The following TNRC6A variants were observed in gnomAD, a reference collection of about 807,000 sequenced individuals.
TNRC6A encodes the protein trinucleotide repeat-containing gene 6A protein.
TNRC6A carries 44 observed loss-of-function variants against 221.2 expected under a neutral mutation model. The ratio of observed to expected loss-of-function variants is 0.20; its 90% CI spans 0.16 to 0.26. The LOEUF (loss-of-function observed/expected upper bound fraction) is 0.26. Among genes scored for constraint, TNRC6A ranks in the 10% least tolerant of loss-of-function variants. The pLI, the probability that TNRC6A is intolerant of heterozygous loss-of-function variation, is 1.00. For synonymous variants in TNRC6A, 847 were observed against 838.5 expected (o/e 1.01, Z -0.18); for missense variants, 2,199 against 2,404.4 (o/e 0.91, Z 1.79).
At chr16:24,763,147 TCTC>T (rs1224537815) in intron 4 of TNRC6A, among the ~76,000 whole-genome samples, 3 of 152,200 alleles carry the variant, frequency 2.0e-5, no homozygotes, top group East Asian at 1.9e-4. Flanking sequence ...GATTCTAAAA[TCTC>T]CTGCATGCTT....
intron 2 of TNRC6A, among the ~76,000 whole-genome samples, chr16:24,738,633 T>C (rs765994376): frequency 6.6e-6 from 1 of 152,258 alleles, no homozygotes; most frequent in Non-Finnish European, 1.5e-5. Context: ...TTCCTTTTTA[T>C]GGGCAAATAA....
intron 2 of TNRC6A, among the ~76,000 whole-genome samples, chr16:24,716,287 A>G (rs2056311111): frequency 6.6e-6 from 1 of 152,138 alleles, no homozygotes; most frequent in Non-Finnish European, 1.5e-5. Context: ...TTTTGTCTGC[A>G]TTTTTAGCCG....
In TNRC6A at chr16:24,724,461, C is replaced by T. The variant is rs575259719; in HGVS notation, n.403-26265C>T. ...ATTTTAGTTAAATAAGATAAATACA[C>T]TTGGCTGTGCGTGGTGGCTCACACC... On this transcript the variant is annotated intron_variant and non_coding_transcript_variant, in intron 2 of 2. Transcript: ENST00000566108. Among the ~76,000 whole-genome samples the T allele has an allele frequency of 2.2e-3, 339 of 152,242 alleles. 1 individual carries two copies. Among genetic ancestry groups the T allele is most frequent in the Non-Finnish European group, 3.9e-3 (263 of 68,008 alleles).
At chr16:24,641,917 G>C (rs979399204) in intron 2 of TNRC6A, among the ~76,000 whole-genome samples, 1 of 152,164 alleles carries the variant, frequency 6.6e-6, no homozygotes, top group Non-Finnish European at 1.5e-5. Context: ...CTAGTCTTTG[G>C]GAAAAACAAT....
Position 24,695,430 on chromosome 16 carries a change from C to T in TNRC6A, n.402+54421C>T, listed in dbSNP as rs540266599. Among the ~76,000 whole-genome samples the T allele has an allele frequency of 2.6e-5, 4 of 152,160 alleles. No individual in the cohort carries two copies. In the East Asian group the frequency reaches 5.8e-4, roughly 22 times the overall value. On this transcript the variant is annotated intron_variant and non_coding_transcript_variant, in intron 2 of 2. Transcript: ENST00000566108. The stretch of plus-strand genomic sequence containing the variant: ...TTGTTTTGTTTTTTTGAGACAGTCT[C>T]GCTCTGTCACCCAGGCTGGAGTACA...
At chr16:24,664,080 C>T (rs1312886496) in intron 2 of TNRC6A, 1 of 371,048 alleles carries the variant, frequency 2.7e-6, no homozygotes, top group African/African-American at 2.1e-5. Context: ...AATCCCAGCA[C>T]TTTGGGAGGT....
chr16:24,799,030 G>A (rs551570681), intron 11 of TNRC6A, among the ~76,000 whole-genome samples: 71 of 152,284 alleles, frequency 4.7e-4, no homozygotes, highest in Non-Finnish European at 7.9e-4. Context: ...TGTCTCATGG[G>A]AGGCACTCGC....
chr16:24,621,175 T>C (rs1225051745), intron 1 of TNRC6A, among the ~76,000 whole-genome samples: 1 of 151,306 alleles, frequency 6.6e-6, no homozygotes, highest in African/African-American at 2.4e-5. Flanking sequence ...TTTCTGTTTC[T>C]ATAAAAATAA....
chr16:24,725,379 C>T (rs1202204923), upstream of TNRC6A, among the ~76,000 whole-genome samples: 1 of 151,954 alleles, frequency 6.6e-6, no homozygotes, highest in Non-Finnish European at 1.5e-5. Context: ...TGCCATGTTG[C>T]CCAGGCTAGT....
chr16:24,679,080 C>T (rs1166739747), intron 2 of TNRC6A, among the ~76,000 whole-genome samples: 1 of 150,620 alleles, frequency 6.6e-6, no homozygotes, highest in Non-Finnish European at 1.5e-5. Flanking sequence ...CTCACCGCAA[C>T]CTCCGCCTCC....
At chr16:24,816,580 G>T in intron 19 of TNRC6A, 1 of 479,020 alleles carries the variant, frequency 2.1e-6, no homozygotes, top group Non-Finnish European at 3.7e-6. Flanking sequence ...GTGTGTGTGG[G>T]TATGTATATT....
chr16:24,798,093 A>G (rs2058257894), intron 11 of TNRC6A, 127 bp downstream of exon 11: 4 of 688,378 alleles, frequency 5.8e-6, no homozygotes, highest in African/African-American at 3.6e-5. Context: ...AGACGTACAC[A>G]TGCTGTGGTT....
intron 2 of TNRC6A, among the ~76,000 whole-genome samples, chr16:24,714,596 C>A (rs569046230): frequency 6.6e-5 from 10 of 152,032 alleles, no homozygotes; most frequent in Non-Finnish European, 1.0e-4. Context: ...TAAGCCACTG[C>A]GCCCAGCCTG....
intron 3 of TNRC6A, among the ~76,000 whole-genome samples, chr16:24,755,637 C>G (rs982052300): frequency 2.0e-5 from 3 of 152,182 alleles, no homozygotes; most frequent in African/African-American, 7.2e-5. Context: ...GGCTTTAGAT[C>G]CTGAGGTCTT....
chr16:24,733,228 T>A (rs2056685277), intron 2 of TNRC6A, among the ~76,000 whole-genome samples: 1 of 152,130 alleles, frequency 6.6e-6, no homozygotes. Flanking sequence ...AAAAAATCTT[T>A]TAATAACATG....
chr16:24,804,621 ACTTCT>A lies in TNRC6A; in HGVS notation c.3838-78_3838-74del, dbSNP rs1252037740. The A allele has an allele frequency of 6.0e-6, 9 of 1,506,828 alleles. No homozygotes were observed. In the African/African-American group the frequency reaches 8.4e-5, roughly 14 times the overall value. The allele number at this position is 1,506,828 out of a possible 1,614,324, so 93.3% of individuals were successfully genotyped here. On this transcript the variant is annotated intron_variant, in intron 12 of 24. Transcript: ENST00000395799. ...CCTGTTGATGCTGGAATGTCATGTG[ACTTCT>A]CTTCTGTTCCTGCAATGATTTCTCC...
chr16:24,629,385 T>G (rs940950377), intron 1 of TNRC6A, among the ~76,000 whole-genome samples: 5 of 152,230 alleles, frequency 3.3e-5, no homozygotes, highest in African/African-American at 1.2e-4. Context: ...TGAAATTATT[T>G]ATTAATCCAG....
chr16:24,808,123 G>T (rs1055515588), intron 17 of TNRC6A, among the ~76,000 whole-genome samples: 1 of 152,220 alleles, frequency 6.6e-6, no homozygotes, highest in African/African-American at 2.4e-5. Flanking sequence ...TGATGTCAGA[G>T]ACAACAGTTA....
intron 2 of TNRC6A, among the ~76,000 whole-genome samples, chr16:24,666,456 A>G (rs1247353604): frequency 7.2e-6 from 1 of 138,268 alleles, no homozygotes; most frequent in Admixed American, 7.8e-5. Context: ...CTGGGAACAG[A>G]GCAAGACTCC....
Sources: gnomAD v4.1 joint callset for allele counts (sites outside exome capture counted in the v4.1 genomes callset) on GRCh38, gnomAD v4.1.1 for gene constraint, MANE v1.5 for transcripts, NCBI Gene and HGNC (gene_info 2026-07-23, HGNC 2026-07-21) for gene names.